Variants in GPM6A observed in about 807,000 individuals in gnomAD.
GPM6A encodes the protein glycoprotein M6A.
GPM6A carries 7 observed loss-of-function variants against 32.1 expected under a neutral mutation model. The observed-to-expected ratio is 0.22, with a 90% confidence interval of 0.12 to 0.41. GPM6A has a LOEUF of 0.41. Ranked by LOEUF, GPM6A falls within the 10% of genes least tolerant of loss-of-function variation. The pLI is 1.00. For synonymous variants in GPM6A, 130 were observed against 123.4 expected (o/e 1.05, Z -0.35); for missense variants, 235 against 347.2 (o/e 0.68, Z 2.57).
chr4:175,880,373 A>T (rs1737231248), intron 1 of GPM6A, among the ~76,000 whole-genome samples: 1 of 152,060 alleles, frequency 6.6e-6, no homozygotes, highest in African/African-American at 2.4e-5. Context: ...AATGTGGGCT[A>T]TTTTTTGGTT....
chr4:175,894,084 T>C (rs1055875128), intron 1 of GPM6A, among the ~76,000 whole-genome samples: 3 of 152,168 alleles, frequency 2.0e-5, no homozygotes, highest in Non-Finnish European at 2.9e-5. Flanking sequence ...CTGAGAATAC[T>C]GTTGTCTCAG....
chr4:175,652,757 T>C (rs1741879695), intron 3 of GPM6A, among the ~76,000 whole-genome samples: 1 of 152,096 alleles, frequency 6.6e-6, no homozygotes, highest in South Asian at 2.1e-4. Flanking sequence ...ACATGGTAAA[T>C]GCTGGATAAA....
intron 1 of GPM6A, among the ~76,000 whole-genome samples, chr4:175,876,685 C>T (rs1344820119): frequency 1.3e-5 from 2 of 152,126 alleles, no homozygotes; most frequent in African/African-American, 4.8e-5. Context: ...GAAAATTTCT[C>T]AGTGTTAGTC....
chr4:175,697,103 C>T (rs894315911), intron 2 of GPM6A, among the ~76,000 whole-genome samples: 2 of 152,078 alleles, frequency 1.3e-5, no homozygotes, highest in African/African-American at 2.4e-5. Context: ...TAGAAGACCA[C>T]CCAAATACAG....
At chr4:175,922,821 A>G (rs1201580661) in intron 1 of GPM6A, among the ~76,000 whole-genome samples, 3 of 152,202 alleles carry the variant, frequency 2.0e-5, no homozygotes, top group African/African-American at 7.2e-5. Flanking sequence ...AATCTACCTA[A>G]CATAAAATTT....
chr4:175,810,335 C>A (rs993893028), intron 1 of GPM6A, among the ~76,000 whole-genome samples: 5 of 152,098 alleles, frequency 3.3e-5, no homozygotes, highest in Non-Finnish European at 7.4e-5. Flanking sequence ...AAGAAAAAAA[C>A]CTAAATCATA....
At chr4:175,822,243 G>T (rs945250382) in intron 1 of GPM6A, among the ~76,000 whole-genome samples, 20 of 152,090 alleles carry the variant, frequency 1.3e-4, no homozygotes, top group Non-Finnish European at 2.4e-4. Context: ...CCCAAACAGA[G>T]AATTGGTCAT....
chr4:175,843,300 T>C (rs1226632163), intron 1 of GPM6A, among the ~76,000 whole-genome samples: 1 of 152,220 alleles, frequency 6.6e-6, no homozygotes, highest in Non-Finnish European at 1.5e-5. Flanking sequence ...GTTTCTCCAA[T>C]ATAAATGTCT....
At chr4:175,957,738 T>C (rs1280628371) in intron 1 of GPM6A, among the ~76,000 whole-genome samples, 1 of 152,170 alleles carries the variant, frequency 6.6e-6, no homozygotes. Context: ...TAGTAGGTTC[T>C]CATAAAAAAT....
intron 1 of GPM6A, among the ~76,000 whole-genome samples, chr4:175,728,486 A>G (rs962521139): frequency 2.6e-5 from 4 of 152,128 alleles, no homozygotes; most frequent in Non-Finnish European, 1.5e-5. Context: ...CTTTCCCATC[A>G]TGCCAGTTCC....
At chr4:175,695,955 TAGTG>T (rs970633479) in intron 2 of GPM6A, among the ~76,000 whole-genome samples, 1 of 152,092 alleles carries the variant, frequency 6.6e-6, no homozygotes, top group African/African-American at 2.4e-5. Context: ...GCTCTGGAGA[TAGTG>T]AGTGAGTGAG....
intron 1 of GPM6A, among the ~76,000 whole-genome samples, chr4:175,974,185 A>C (rs1740590660): frequency 6.6e-6 from 1 of 152,126 alleles, no homozygotes; most frequent in Non-Finnish European, 1.5e-5. Context: ...AGCTGAGATC[A>C]TGCTACTGCA....
In GPM6A at chr4:175,881,516, A is replaced by G. The variant is rs569860317; in HGVS notation, c.-22-69267T>C. On this transcript the variant is annotated intron_variant, in intron 1 of 7. Transcript: ENST00000280187. ...TGGGTATATACCCAAAGGAATATAAATCATGCTGCTATAAAGACACATGCA... is the reference window on the plus strand; with the variant it reads ...TGGGTATATACCCAAAGGAATATAAGTCATGCTGCTATAAAGACACATGCA... 2.8e-3 allele frequency among the ~76,000 whole-genome samples: 420 copies of G among 152,332 alleles called. 17 individuals are homozygous for G. In the South Asian group the frequency reaches 0.074, roughly 27 times the overall value.
intron 1 of GPM6A, among the ~76,000 whole-genome samples, chr4:175,704,628 C>T (rs1332388964): frequency 1.3e-5 from 2 of 151,938 alleles, no homozygotes; most frequent in African/African-American, 4.8e-5. Flanking sequence ...TAGAGCTATC[C>T]CTATTTTTGG....
chr4:175,881,545 G>A (rs541865741), intron 1 of GPM6A, among the ~76,000 whole-genome samples: 70 of 152,184 alleles, frequency 4.6e-4, no homozygotes, highest in Non-Finnish European at 7.8e-4. Context: ...ACATGCACAC[G>A]TATATTTATT....
chr4:175,655,862 G>A (rs372330529), intron 3 of GPM6A, among the ~76,000 whole-genome samples: 1 of 152,018 alleles, frequency 6.6e-6, no homozygotes, highest in South Asian at 2.1e-4. Flanking sequence ...CAAGGGGAAG[G>A]TTCTATATAA....
chr4:175,640,043 A>T, intron 6 of GPM6A, 86 bp downstream of exon 6: 1 of 1,090,496 alleles, frequency 9.2e-7, no homozygotes, highest in Non-Finnish European at 1.4e-6. Flanking sequence ...ATGAACTTCA[A>T]ACTTTAGAGA....
intron 4 of GPM6A, among the ~76,000 whole-genome samples, chr4:175,649,690 T>C (rs1741670476): frequency 6.6e-6 from 1 of 152,176 alleles, no homozygotes. Flanking sequence ...TTTCTTAAGA[T>C]TAAACCGAAG....
rs558213251 is a variant in GPM6A at position 175,944,881 on chromosome 4, T to A, written c.-23+57428A>T. 4.6e-5 allele frequency among the ~76,000 whole-genome samples: 7 copies of A among 151,946 alleles called. No homozygotes were observed. The South Asian group carries it at 1.5e-3, about 32-fold the overall frequency. ...TACCGACTGCAGTCTTCAACAGACA[T>A]AAATACAGACGTCTCAGTTTCAGAG... is the stretch of plus-strand genomic sequence containing the variant. On this transcript the variant is annotated intron_variant, in intron 1 of 7. Coordinates refer to the GPM6A transcript ENST00000280187.
Sources: allele counts gnomAD v4.1 joint callset (sites outside exome capture counted in the v4.1 genomes callset), GRCh38; gene constraint gnomAD v4.1.1; transcripts MANE v1.5; gene names NCBI Gene and HGNC (gene_info 2026-07-23, HGNC 2026-07-21).